The following RHOBTB1 variants were observed in gnomAD, a reference collection of about 807,000 sequenced individuals.
RHOBTB1 encodes rho-related BTB domain-containing protein 1.
In RHOBTB1, 40 loss-of-function variants were observed where a neutral mutation model predicts 71.6. The observed-to-expected ratio is 0.56, with a 90% CI of 0.43 to 0.73. The LOEUF (loss-of-function observed/expected upper bound fraction) is 0.73, where lower values mean the gene tolerates loss of function less well. RHOBTB1 is among the 30% of genes least tolerant of loss of function. The pLI is 0.00. For missense variants in RHOBTB1, 797 were observed against 894.0 expected, an observed-to-expected ratio of 0.89 and a Z score of 1.38; for synonymous variants, 319 against 334.9, an observed-to-expected ratio of 0.95 and a Z score of 0.52.
Position 60,910,985 on chromosome 10 carries a change from C to G in RHOBTB1, c.198G>C (p.Leu66Phe). Residue 66 changes from leucine to phenylalanine, a missense_variant, in exon 4 of 11, where the codon TTG becomes TTC. Around this residue, in one of 2 missense-constraint regions of RHOBTB1, gnomAD observed 139 missense variants for 212.5 expected, o/e 0.65. Transcript: ENST00000337910. Reference protein sequence around the residue: ...IDQYRVCQEVLERSRDVVDEV... With the variant: ...IDQYRVCQEVFERSRDVVDEV... ...CATCAACAACATCCCGAGAACGCTC[C>G]AAGACCTGCAGGAGAGAGAGAGAGC... is the stretch of plus-strand genomic sequence containing the variant. 1 of 1,613,384 alleles carries G rather than the reference C, an allele frequency of 6.2e-7. No individual in the cohort carries two copies. Among genetic ancestry groups the G allele is most frequent in the Non-Finnish European group, 8.5e-7 (1 of 1,179,546 alleles).
chr10:60,888,136 C>A, intron 6 of RHOBTB1, 76 bp downstream of exon 6: 1 of 1,492,562 alleles, frequency 6.7e-7, no homozygotes, highest in Admixed American at 2.2e-5. Flanking sequence ...GTTCTTCTTT[C>A]TCCTGCTCAT....
intron 2 of RHOBTB1, among the ~76,000 whole-genome samples, chr10:60,927,874 G>C (rs889685691): frequency 3.9e-5 from 6 of 152,036 alleles, no homozygotes; most frequent in South Asian, 2.1e-4. Flanking sequence ...AAAGGAAACG[G>C]TCAATAAAGT....
downstream of RHOBTB1, among the ~76,000 whole-genome samples, chr10:60,866,978 C>A (rs530595597): frequency 6.6e-6 from 1 of 152,176 alleles, no homozygotes; most frequent in South Asian, 2.1e-4. Flanking sequence ...GCCTTGAAAA[C>A]CAAGGTCAAA....
At chr10:60,877,130 A>G (rs1046312470) in intron 8 of RHOBTB1, 3 of 152,216 alleles carry the variant, frequency 2.0e-5, no homozygotes, top group Non-Finnish European at 2.9e-5. Context: ...AGAGAAAGGC[A>G]TTTAAGTTCA....
chr10:60,954,327 T>C (rs75052198), intron 2 of RHOBTB1, among the ~76,000 whole-genome samples: 1 of 152,180 alleles, frequency 6.6e-6, no homozygotes, highest in Non-Finnish European at 1.5e-5. Context: ...ACTCTTCATG[T>C]TGAAATTATT....
At chr10:60,996,557 G>C (rs569647226) in intron 1 of RHOBTB1, among the ~76,000 whole-genome samples, 6 of 152,082 alleles carry the variant, frequency 3.9e-5, no homozygotes, top group Non-Finnish European at 8.8e-5. Context: ...GTCCCCGAGA[G>C]CTTCGGCAGC....
intron 2 of RHOBTB1, among the ~76,000 whole-genome samples, chr10:60,927,638 T>C (rs1426468676): frequency 6.6e-6 from 1 of 152,332 alleles, no homozygotes; most frequent in South Asian, 2.1e-4. Context: ...CAATAAATGA[T>C]GCTGGGAAAA....
chr10:60,992,991 A>AGG (rs1413137097), intron 1 of RHOBTB1, among the ~76,000 whole-genome samples: 1 of 152,192 alleles, frequency 6.6e-6, no homozygotes, highest in African/African-American at 2.4e-5. Context: ...TAAGGTTAGC[A>AGG]GGAATAACTT....
intron 4 of RHOBTB1, among the ~76,000 whole-genome samples, chr10:60,896,290 A>G (rs2082156742): frequency 6.6e-6 from 1 of 152,262 alleles, no homozygotes; most frequent in Non-Finnish European, 1.5e-5. Context: ...TGGCTCTGTT[A>G]CATTTTTTAA....
chr10:61,001,355 C>A (rs1018280207), intron 1 of RHOBTB1: 2 of 151,376 alleles, frequency 1.3e-5, no homozygotes, highest in East Asian at 2.0e-4. Flanking sequence ...CGGCTCCTCC[C>A]GGGCGCGCTC....
At chr10:60,883,236 C>T (rs1011582552) in intron 7 of RHOBTB1, among the ~76,000 whole-genome samples, 2 of 152,196 alleles carry the variant, frequency 1.3e-5, no homozygotes, top group African/African-American at 4.8e-5. Context: ...ACCTATTAGC[C>T]TCAACTCCAG....
At chr10:60,939,195 T>C (rs2084766730) in intron 2 of RHOBTB1, among the ~76,000 whole-genome samples, 1 of 152,144 alleles carries the variant, frequency 6.6e-6, no homozygotes. Flanking sequence ...GGTGATGTAT[T>C]TGATGACAGA....
At chr10:60,873,305 G>A (rs2080889347) in intron 9 of RHOBTB1, among the ~76,000 whole-genome samples, 3 of 152,176 alleles carry the variant, frequency 2.0e-5, no homozygotes, top group Admixed American at 2.0e-4. Context: ...GACTTCATAT[G>A]TTATCATCAG....
chr10:60,873,469 C>G (rs2080897417), intron 9 of RHOBTB1, among the ~76,000 whole-genome samples: 1 of 152,306 alleles, frequency 6.6e-6, no homozygotes, highest in Admixed American at 6.5e-5. Context: ...CTCTTCCTGC[C>G]AAGGCTTGTC....
chr10:60,883,863 C>T (rs2081442438), intron 7 of RHOBTB1, among the ~76,000 whole-genome samples: 1 of 152,090 alleles, frequency 6.6e-6, no homozygotes, highest in African/African-American at 2.4e-5. Context: ...AGTCACTTGC[C>T]CAAGTCACTT....
At position 60,878,040 on chromosome 10, in the gene RHOBTB1, T is replaced by C. The variant is rs1172532124; in HGVS notation, c.1594A>G (p.Asn532Asp). ...ANSEVYLPNI[N>D]KISMQAVLDY... ...AATACTGCTTGCATTGATATCTTGTTTATGTTCGGGAGATACACCTGAAAT... is the reference window on the plus strand; with the variant it reads ...AATACTGCTTGCATTGATATCTTGTCTATGTTCGGGAGATACACCTGAAAT... The change falls in exon 8 of 11, where the codon AAC (asparagine) becomes GAC (aspartate). Residue 532 changes from asparagine (N) to aspartate (D), a missense_variant. Physicochemically the swap from Asn to Asp is conservative, Grantham distance 23. Coordinates refer to ENST00000337910, the MANE Select transcript of RHOBTB1 (RefSeq NM_014836.5). 1 of 1,611,730 alleles carries C rather than the reference T, an allele frequency of 6.2e-7. No individual in the cohort carries two copies. The highest frequency in any genetic ancestry group is 8.5e-7 in the Non-Finnish European group (1 of 1,179,282).
chr10:60,994,768 A>G (rs1458809305), intron 1 of RHOBTB1, among the ~76,000 whole-genome samples: 1 of 152,140 alleles, frequency 6.6e-6, no homozygotes, highest in Non-Finnish European at 1.5e-5. Context: ...ACATGCAACT[A>G]TGATGTACCT....
At chr10:60,949,723 AT>A (rs2085349698) in intron 2 of RHOBTB1, among the ~76,000 whole-genome samples, 1 of 148,470 alleles carries the variant, frequency 6.7e-6, no homozygotes, top group South Asian at 2.1e-4. Flanking sequence ...TTATAGATAA[AT>A]ACTTAAGCTA....
Position 60,903,815 on chromosome 10 carries a change from T to C in RHOBTB1, c.296+7072A>G, listed in dbSNP as rs549601614. ...CAGGGTTATATTCAGCTATTAAGGA[T>C]CTGGTTCCATTTTTTTAAGTTCACA... On this transcript the variant is annotated intron_variant, in intron 4 of 10. Transcript: ENST00000337910. Among the ~76,000 whole-genome samples, 5 of 152,314 alleles carry C rather than the reference T, an allele frequency of 3.3e-5. No individual in the cohort carries two copies. The South Asian group carries it at 1.0e-3, about 32-fold the overall frequency.
Sources: allele counts gnomAD v4.1 joint callset (sites outside exome capture counted in the v4.1 genomes callset), GRCh38; gene constraint gnomAD v4.1.1; regional missense constraint gnomAD v4.1.1; transcripts MANE v1.5; gene names NCBI Gene and HGNC (gene_info 2026-07-23, HGNC 2026-07-21).